PRIMA1: variants seen among roughly 807,000 people sequenced by gnomAD.
The protein encoded by PRIMA1 is proline rich membrane anchor 1.
Under a neutral mutation model 17.5 loss-of-function variants are expected in PRIMA1, and 7 were observed. The observed-to-expected ratio is 0.40, with a 90% CI of 0.23 to 0.75. The LOEUF is 0.75. Among genes scored for constraint, PRIMA1 ranks in the 30% least tolerant of loss-of-function variants. PRIMA1 has a pLI of 0.37. For synonymous variants in PRIMA1, 97 were observed against 77.9 expected, an observed-to-expected ratio of 1.25 and a Z score of -1.29; for missense variants, 200 against 201.8, an observed-to-expected ratio of 0.99 and a Z score of 0.05.
intron 2 of PRIMA1, among the ~76,000 whole-genome samples, chr14:93,783,281 G>C (rs989330507): frequency 2.6e-5 from 4 of 152,228 alleles, no homozygotes; most frequent in African/African-American, 9.6e-5. Context: ...GGGAGAGATA[G>C]GTGATATTAT....
chr14:93,724,216 A>G lies in PRIMA1; in HGVS notation c.360-2670T>C, dbSNP rs2076060595. On this transcript the variant is annotated intron_variant, in intron 4 of 4. Transcript: ENST00000393140. Reference sequence around the variant, plus strand: ...CCCATATGAGCTCTGGGACCTCATCAACTTGGGAAAGCCTTCCTCCACCCC... The same window carrying G: ...CCCATATGAGCTCTGGGACCTCATCGACTTGGGAAAGCCTTCCTCCACCCC... 2.0e-5 allele frequency among the ~76,000 whole-genome samples: 3 copies of G among 152,218 alleles called. No homozygotes were observed. In the South Asian group the frequency reaches 6.2e-4, roughly 32 times the overall value.
chr14:93,747,331 G>A (rs1193117163), intron 3 of PRIMA1, among the ~76,000 whole-genome samples: 1 of 152,238 alleles, frequency 6.6e-6, no homozygotes, highest in Admixed American at 6.5e-5. Flanking sequence ...ATGGTGCCAC[G>A]TGGCAGTTGC....
chr14:93,725,194 C>A (rs868406369), intron 4 of PRIMA1, among the ~76,000 whole-genome samples: 5 of 149,660 alleles, frequency 3.3e-5, no homozygotes, highest in African/African-American at 7.7e-5. Context: ...AGAGGCTCGG[C>A]ACCTGTGGCA....
chr14:93,762,173 C>A (rs1017967465), intron 3 of PRIMA1, among the ~76,000 whole-genome samples: 17 of 152,180 alleles, frequency 1.1e-4, no homozygotes, highest in Non-Finnish European at 2.9e-5. Flanking sequence ...ACCTTCCCAG[C>A]CCAATCCAGC....
chr14:93,734,688 A>C (rs1195280352), intron 4 of PRIMA1, among the ~76,000 whole-genome samples: 2 of 151,324 alleles, frequency 1.3e-5, no homozygotes, highest in South Asian at 2.1e-4. Flanking sequence ...CCCCGCCCAC[A>C]CCACATAAGG....
At chr14:93,776,840 C>G (rs976241695) in intron 3 of PRIMA1, among the ~76,000 whole-genome samples, 5 of 152,228 alleles carry the variant, frequency 3.3e-5, no homozygotes, top group Admixed American at 2.6e-4. Context: ...GCTTTCACAT[C>G]TCTCTACCGC....
intron 4 of PRIMA1, among the ~76,000 whole-genome samples, chr14:93,728,330 A>G (rs1400274319): frequency 6.6e-6 from 1 of 152,224 alleles, no homozygotes; most frequent in Non-Finnish European, 1.5e-5. Flanking sequence ...CCAGGCGTCG[A>G]GGGAGAGAAT....
chr14:93,753,702 A>C (rs1453427572), intron 3 of PRIMA1, among the ~76,000 whole-genome samples: 1 of 152,110 alleles, frequency 6.6e-6, no homozygotes, highest in Non-Finnish European at 1.5e-5. Flanking sequence ...CTGGAGACCC[A>C]CCCTTGCCTA....
At chr14:93,758,248 T>C (rs116379230) in intron 3 of PRIMA1, among the ~76,000 whole-genome samples, 200 of 152,168 alleles carry the variant, frequency 1.3e-3, no homozygotes, top group African/African-American at 4.7e-3. Flanking sequence ...GCGGCCTAAA[T>C]ATGAGCAGCT....
intron 2 of PRIMA1, among the ~76,000 whole-genome samples, chr14:93,785,469 A>T (rs981494343): frequency 6.6e-6 from 1 of 152,144 alleles, no homozygotes; most frequent in Non-Finnish European, 1.5e-5. Flanking sequence ...TAATCATAGG[A>T]CTTTGTTATG....
intron 4 of PRIMA1, among the ~76,000 whole-genome samples, chr14:93,730,592 T>C (rs1289121105): frequency 6.6e-6 from 1 of 152,264 alleles, no homozygotes; most frequent in South Asian, 2.1e-4. Context: ...CCCTTGACCA[T>C]GAAGGTTCAT....
intron 3 of PRIMA1, among the ~76,000 whole-genome samples, chr14:93,745,405 T>C (rs986477039): frequency 6.6e-6 from 1 of 152,212 alleles, no homozygotes; most frequent in African/African-American, 2.4e-5. Flanking sequence ...CTCACTGCTG[T>C]ACGAGTGGCC....
At chr14:93,784,768 C>T (rs1208636651) in intron 2 of PRIMA1, among the ~76,000 whole-genome samples, 2 of 152,110 alleles carry the variant, frequency 1.3e-5, no homozygotes, top group African/African-American at 4.8e-5. Context: ...ACTCTTGCCC[C>T]GGGTCCAAGC....
rs1263790623 is a variant in PRIMA1 at position 93,726,062 on chromosome 14, G to A, written c.360-4516C>T. The A allele has an allele frequency of 4.4e-6, 2 of 456,334 alleles. No homozygotes were observed. The highest frequency in any genetic ancestry group is 8.8e-6 in the Non-Finnish European group (2 of 226,854). The allele number at this position is 456,334 out of a possible 1,614,324, so 28.3% of individuals were successfully genotyped here. The stretch of plus-strand genomic sequence containing the variant: ...TTCCTTGGCGGCACCCAGGATTCCT[G>A]CTTGTAGGAGGGTGGGCTCTGCCAC... On this transcript the variant is annotated intron_variant, in intron 4 of 4. Transcript: ENST00000393140. This position sits in a 1 kb window ranked among gnomAD's most constrained non-coding sequence, Gnocchi z 4.2.
chr14:93,764,238 C>T (rs971167323), intron 3 of PRIMA1, among the ~76,000 whole-genome samples: 12 of 152,022 alleles, frequency 7.9e-5, no homozygotes, highest in African/African-American at 2.9e-4. Flanking sequence ...TCTCTGGCCT[C>T]CAACCTGCAG....
chr14:93,771,566 G>A (rs1261018994), intron 3 of PRIMA1, among the ~76,000 whole-genome samples: 1 of 152,180 alleles, frequency 6.6e-6, no homozygotes, highest in East Asian at 1.9e-4. Flanking sequence ...AAGACCCCAA[G>A]CAGGGACCTC....
intron 3 of PRIMA1, among the ~76,000 whole-genome samples, chr14:93,748,481 G>A (rs1595204532): frequency 6.6e-6 from 1 of 152,176 alleles, no homozygotes; most frequent in Non-Finnish European, 1.5e-5. Flanking sequence ...CTGAGGAGGC[G>A]ACGTTCAAGC....
intron 4 of PRIMA1, among the ~76,000 whole-genome samples, chr14:93,727,213 G>A (rs530182651): frequency 1.3e-5 from 2 of 152,302 alleles, no homozygotes; most frequent in East Asian, 1.9e-4. Context: ...CGGCGGAACT[G>A]GCGACTGTGC....
chr14:93,735,409 C>T (rs1232429423), intron 4 of PRIMA1, among the ~76,000 whole-genome samples: 2 of 152,212 alleles, frequency 1.3e-5, no homozygotes, highest in African/African-American at 4.8e-5. Context: ...TAGAATGCCT[C>T]CTCTGCTCCG....
Sources: allele counts gnomAD v4.1 joint callset (sites outside exome capture counted in the v4.1 genomes callset), GRCh38; gene constraint gnomAD v4.1.1; non-coding constraint Gnocchi (gnomAD v3.1); transcripts MANE v1.5; gene names NCBI Gene and HGNC (gene_info 2026-07-23, HGNC 2026-07-21).